The following LSM3 variants were observed in gnomAD, a reference collection of about 807,000 sequenced individuals.
LSM3 encodes the protein LSM3 homolog, U6 small nuclear RNA and mRNA degradation associated, also known as U6 snRNA-associated Sm-like protein LSm3.
LSM3 carries 14 observed loss-of-function variants against 15.4 expected under a neutral mutation model. That is an observed-to-expected ratio of 0.91 (90% confidence interval 0.60 to 1.42). LSM3 has a LOEUF of 1.42. LSM3 is among the 40% of genes most tolerant of loss of function. LSM3 has a pLI of 0.00. For synonymous variants in LSM3, 46 were observed against 45.1 expected, an observed-to-expected ratio of 1.02 and a Z score of -0.08; for missense variants, 88 against 127.9, an observed-to-expected ratio of 0.69 and a Z score of 1.50.
intron 1 of LSM3, among the ~76,000 whole-genome samples, chr3:14,180,544 C>T (rs760128695): frequency 3.9e-5 from 6 of 152,124 alleles, no homozygotes; most frequent in Non-Finnish European, 8.8e-5. Context: ...CTTTCTCAGC[C>T]GCCCAAAGTG....
chr3:14,194,725 C>A (rs1460565227), intron 3 of LSM3, among the ~76,000 whole-genome samples: 1 of 148,840 alleles, frequency 6.7e-6, no homozygotes, highest in Admixed American at 6.7e-5. Flanking sequence ...AAATTCATCA[C>A]CATTACTAGA....
chr3:14,194,070 G>T (rs187020343), intron 3 of LSM3, among the ~76,000 whole-genome samples: 2 of 152,290 alleles, frequency 1.3e-5, no homozygotes, highest in African/African-American at 4.8e-5. Flanking sequence ...CCCAGTTTGT[G>T]TGGATATCAC....
At chr3:14,191,635 A>AT (rs1697140605) in intron 3 of LSM3, among the ~76,000 whole-genome samples, 1 of 151,902 alleles carries the variant, frequency 6.6e-6, no homozygotes, top group South Asian at 2.1e-4. Flanking sequence ...GACATCCCCT[A>AT]TATCATTTTT....
chr3:14,188,000 A>C (rs1465334298), intron 3 of LSM3, among the ~76,000 whole-genome samples: 1 of 152,112 alleles, frequency 6.6e-6, no homozygotes, highest in East Asian at 1.9e-4. Flanking sequence ...TCTCTTGGGG[A>C]CGTTGTGCCC....
intron 3 of LSM3, among the ~76,000 whole-genome samples, chr3:14,196,838 A>C (rs1168324196): frequency 2.0e-5 from 3 of 152,174 alleles, no homozygotes; most frequent in Non-Finnish European, 4.4e-5. Flanking sequence ...TTGGCAATGC[A>C]ATTTCTTTAA....
intron 3 of LSM3, among the ~76,000 whole-genome samples, chr3:14,193,357 T>C (rs1697158532): frequency 6.6e-6 from 1 of 152,256 alleles, no homozygotes; most frequent in African/African-American, 2.4e-5. Flanking sequence ...TCCTGGATAA[T>C]ATCCTGAAGA....
chr3:14,188,481 A>G (rs1373824444), intron 3 of LSM3, among the ~76,000 whole-genome samples: 10 of 152,234 alleles, frequency 6.6e-5, no homozygotes. Flanking sequence ...AAAGGAACAC[A>G]GTGCAGTAAA....
At chr3:14,182,289 A>T (rs538731473) in intron 2 of LSM3, among the ~76,000 whole-genome samples, 63 of 151,840 alleles carry the variant, frequency 4.1e-4, no homozygotes, top group South Asian at 1.5e-3. Flanking sequence ...CATTATGTAC[A>T]CCCTACCTCT....
At chr3:14,188,536 C>A (rs1448260610) in intron 3 of LSM3, among the ~76,000 whole-genome samples, 2 of 152,206 alleles carry the variant, frequency 1.3e-5, no homozygotes, top group African/African-American at 2.4e-5. Context: ...ACACCCCACC[C>A]CCAGACATAA....
chr3:14,188,823 A>G (rs1219274316), intron 3 of LSM3, among the ~76,000 whole-genome samples: 1 of 151,860 alleles, frequency 6.6e-6, no homozygotes, highest in African/African-American at 2.4e-5. Flanking sequence ...TTTTTTAATT[A>G]TACTTTAAGT....
intron 3 of LSM3, among the ~76,000 whole-genome samples, chr3:14,192,301 T>C (rs2124825967): frequency 6.6e-6 from 1 of 152,362 alleles, no homozygotes; most frequent in South Asian, 2.1e-4. Context: ...TTAGGTCTGC[T>C]TGGTCCAGAG....
chr3:14,195,406 C>T (rs1017174532), intron 3 of LSM3, among the ~76,000 whole-genome samples: 4 of 152,214 alleles, frequency 2.6e-5, no homozygotes, highest in South Asian at 2.1e-4. Flanking sequence ...TGCTCCCCCC[C>T]ACCCACACTG....
At chr3:14,196,245 C>T (rs537229848) in intron 3 of LSM3, among the ~76,000 whole-genome samples, 5 of 152,192 alleles carry the variant, frequency 3.3e-5, no homozygotes, top group South Asian at 4.2e-4. Context: ...TGTGAACCAC[C>T]GTGCCTGGCC....
intron 1 of LSM3, among the ~76,000 whole-genome samples, chr3:14,181,222 C>G (rs375384360): frequency 6.6e-6 from 1 of 152,148 alleles, no homozygotes; most frequent in East Asian, 1.9e-4. Flanking sequence ...AGCTAAAGTC[C>G]CTGAGACCCT....
chr3:14,198,776 G>A lies in LSM3; in HGVS notation c.*660G>A, dbSNP rs950110703. 5 of 151,358 alleles carry A rather than the reference G, an allele frequency of 3.3e-5. No homozygotes were observed. Among genetic ancestry groups the A allele is most frequent in the Non-Finnish European group, 7.3e-5 (5 of 68,166 alleles). The allele number at this position is 151,358 out of a possible 1,614,324, so 9.4% of individuals were successfully genotyped here. A position where few individuals can be genotyped will look rare whatever the true frequency, so the allele number is the denominator to read the frequency against. On this transcript the variant is annotated 3_prime_UTR_variant, in exon 4 of 4. Coordinates refer to ENST00000306024, the MANE Select transcript of LSM3 (RefSeq NM_014463.3). The stretch of plus-strand genomic sequence containing the variant: ...CAGGAGGCTGAGGCAGTAGACGCTT[G>A]AACCCAGGAGGCAGAGGTTGCAGTG...
At chr3:14,181,515 A>G in intron 1 of LSM3, 45 bp from the exon 2 acceptor site, 1 of 1,243,520 alleles carries the variant, frequency 8.0e-7, no homozygotes. Flanking sequence ...TTTAAGCACT[A>G]CTCTGACTCT....
At chr3:14,180,841 TTTTTTTTTTTTTTTTTAA>T (rs1697029759) in intron 1 of LSM3, among the ~76,000 whole-genome samples, 1 of 126,274 alleles carries the variant, frequency 7.9e-6, no homozygotes, top group African/African-American at 3.3e-5. Context: ...TTTTTTTTTT[TTTTTTTTTTTTTTTTTAA>T]AAAAAAAAAA....
At chr3:14,183,914 G>T in intron 2 of LSM3, 23 bp from the exon 3 acceptor site, 1 of 1,520,730 alleles carries the variant, frequency 6.6e-7, no homozygotes, top group Non-Finnish European at 8.9e-7. Flanking sequence ...TAAATTTCTT[G>T]GTTCTGTACC....
intron 1 of LSM3, among the ~76,000 whole-genome samples, chr3:14,179,232 T>G (rs1696983855): frequency 6.6e-6 from 1 of 152,208 alleles, no homozygotes; most frequent in African/African-American, 2.4e-5. Context: ...ATTCAGCAGA[T>G]AGAGTGAACA....
Sources: allele counts gnomAD v4.1 joint callset (sites outside exome capture counted in the v4.1 genomes callset), GRCh38; gene constraint gnomAD v4.1.1; transcripts MANE v1.5; gene names NCBI Gene and HGNC (gene_info 2026-07-23, HGNC 2026-07-21).